Variants in CPAMD8 observed in about 807,000 individuals in gnomAD.
The protein encoded by CPAMD8 is C3 and PZP-like alpha-2-macroglobulin domain-containing protein 8.
Under a neutral mutation model 224.7 loss-of-function variants are expected in CPAMD8, and 146 were observed. The observed-to-expected ratio is 0.65, with a 90% CI of 0.57 to 0.75. CPAMD8 has a LOEUF of 0.75. Ranked by LOEUF, CPAMD8 falls within the 30% of genes least tolerant of loss-of-function variation. The pLI is 0.00. For synonymous variants in CPAMD8, 966 were observed against 1,044.6 expected (o/e 0.92, Z 1.45); for missense variants, 2,301 against 2,537.5 (o/e 0.91, Z 2.00).
In CPAMD8 at chr19:17,002,381, G is replaced by A. The variant is rs1207001612; in HGVS notation, c.674-31C>T. The A allele has an allele frequency of 5.9e-6, 9 of 1,523,784 alleles. No homozygotes were observed. The African/African-American group carries it at 6.9e-5, about 12-fold the overall frequency. 94.4% of individuals were successfully genotyped at this position (1,523,784 alleles called of 1,614,324 possible). Reference sequence around the variant, plus strand: ...GAAAGCAAGCAGAGAGGAGGGGCTGGCTTCTGTCCCTAAGGTGGCCTCAGG... The same window carrying A: ...GAAAGCAAGCAGAGAGGAGGGGCTGACTTCTGTCCCTAAGGTGGCCTCAGG... On this transcript the variant is annotated intron_variant, in intron 8 of 41. Coordinates refer to ENST00000443236, the MANE Select transcript of CPAMD8 (RefSeq NM_015692.5).
chr19:17,025,239 C>T (rs1222266497), intron 1 of CPAMD8, among the ~76,000 whole-genome samples: 1 of 152,090 alleles, frequency 6.6e-6, no homozygotes, highest in African/African-American at 2.4e-5. Context: ...GGAGAAACCC[C>T]ATCTCTATTA....
At chr19:16,998,835 C>T (rs1347060671) in intron 10 of CPAMD8, among the ~76,000 whole-genome samples, 4 of 152,062 alleles carry the variant, frequency 2.6e-5, no homozygotes, top group African/African-American at 9.7e-5. Flanking sequence ...AGGAAAGAAC[C>T]CAAGAGAAAC....
intron 29 of CPAMD8, 72 bp from the exon 30 acceptor site, chr19:16,907,189 G>T: frequency 7.1e-7 from 1 of 1,410,374 alleles, no homozygotes; most frequent in East Asian, 2.6e-5. Flanking sequence ...ACTGGCTTCT[G>T]AGGCATCCCC....
At chr19:16,929,335 G>A in intron 23 of CPAMD8, 95 bp from the exon 24 acceptor site, 2 of 1,006,704 alleles carry the variant, frequency 2.0e-6, no homozygotes, top group Non-Finnish European at 3.0e-6. Context: ...GGACCACAAG[G>A]AGTGGGTCTC....
At position 17,008,526 on chromosome 19, in the gene CPAMD8, G is replaced by A. The variant is rs1341959336; in HGVS notation, c.538C>T (p.His180Tyr). Residue 180 changes from histidine to tyrosine, a missense_variant, in exon 7 of 42, where the codon CAC (histidine) becomes TAC (tyrosine). Around this residue, in one of 4 missense-constraint regions of CPAMD8, gnomAD observed 283 missense variants for 340.6 expected, o/e 0.83. Coordinates refer to ENST00000443236, the MANE Select transcript of CPAMD8 (RefSeq NM_015692.5). ...PRGSRMIEWR[H>Y]LKPFCCGITN... The stretch of plus-strand genomic sequence containing the variant: ...TTACCGCAGCAGAACGGCTTTAAGT[G>A]TCTCCACTCTATCATCCGAGAGCCT... 1.2e-5 allele frequency: 20 copies of A among 1,613,532 alleles called. No individual in the cohort carries two copies. The highest frequency in any genetic ancestry group is 1.6e-5 in the Non-Finnish European group (19 of 1,180,030).
rs3859573 is a variant in CPAMD8, at chr19:16,918,604, G to A, written c.3629+3301C>T. 0.041 allele frequency among the ~76,000 whole-genome samples: 6,168 copies of A among 151,764 alleles called. 640 individuals carry two copies. In the East Asian group the frequency reaches 0.46, roughly 11 times the overall value. On this transcript the variant is annotated intron_variant, in intron 27 of 41. Transcript: ENST00000443236. ...TTGGGACTAAGGCATGTACCACCAC[G>A]CCCAGCTTATTTTTAACATTTTTGC...
At position 16,928,166 on chromosome 19, in the gene CPAMD8, C is replaced by G; in HGVS notation, c.3213G>C (p.Glu1071Asp). The G allele has an allele frequency of 6.2e-7, 1 of 1,614,188 alleles. No individual in the cohort carries two copies. Among genetic ancestry groups the G allele is most frequent in the Admixed American group, 1.7e-5 (1 of 60,034 alleles). ...IVAWTLPRPP[E>D]VQFIGFSTGW... ...CGGTGGAAAAGCCAATGAACTGGAC[C>G]TCTGGTGGCCTCGGGAGGGTCCAGG... Residue 1071 changes from glutamate to aspartate, a missense_variant, in exon 25 of 42, where the codon GAG becomes GAC. By Grantham distance (45) the Glu-to-Asp change is conservative. Around this residue, in one of 4 missense-constraint regions of CPAMD8, gnomAD observed 1,709 missense variants for 1,753.2 expected, o/e 0.97. Coordinates refer to ENST00000443236, the MANE Select transcript of CPAMD8 (RefSeq NM_015692.5).
intron 16 of CPAMD8, among the ~76,000 whole-genome samples, 182 bp downstream of exon 16, chr19:16,975,820 G>A (rs2055246908): frequency 6.6e-6 from 1 of 152,208 alleles, no homozygotes; most frequent in African/African-American, 2.4e-5. Flanking sequence ...CAACTGTGCT[G>A]AAGCAGCAGG....
At chr19:16,949,387 T>C (rs1206662662) in intron 20 of CPAMD8, among the ~76,000 whole-genome samples, 1 of 152,156 alleles carries the variant, frequency 6.6e-6, no homozygotes, top group African/African-American at 2.4e-5. Context: ...ATAGTCTGTG[T>C]GTATGCTTTC....
In CPAMD8 at chr19:16,922,342, ATAC is replaced by A. The variant is rs1330671287; in HGVS notation, c.3548-359_3548-357del. ...CATCTGGGGTTCTTGAAACTGCCTC[ATAC>A]TACATCTGGAGTCCCTGGAACCGCA... On this transcript the variant is annotated intron_variant, in intron 26 of 41. Coordinates refer to ENST00000443236, the MANE Select transcript of CPAMD8 (RefSeq NM_015692.5). Among the ~76,000 whole-genome samples the A allele has an allele frequency of 7.9e-5, 12 of 151,272 alleles. 1 individual carries two copies. Among genetic ancestry groups the A allele is most frequent in the Admixed American group, 5.3e-4 (8 of 15,220 alleles).
chr19:16,964,978 G>A (rs1011384747), intron 18 of CPAMD8, among the ~76,000 whole-genome samples: 2 of 152,006 alleles, frequency 1.3e-5, no homozygotes, highest in African/African-American at 2.4e-5. Context: ...AAAGGTCTTC[G>A]GGCTGGGCAC....
intron 13 of CPAMD8, among the ~76,000 whole-genome samples, chr19:16,982,456 C>T (rs1215806696): frequency 2.6e-5 from 4 of 151,914 alleles, no homozygotes; most frequent in African/African-American, 7.3e-5. Flanking sequence ...GTCATTCTAC[C>T]TCCCCCTAAA....
rs139650273 is a variant in CPAMD8 at position 16,923,381 on chromosome 19, C to T, written c.3548-1395G>A. Among the ~76,000 whole-genome samples the T allele has an allele frequency of 1.8e-3, 280 of 152,250 alleles. 2 individuals carry two copies. Among genetic ancestry groups the T allele is most frequent in the Middle Eastern group, 6.8e-3 (2 of 294 alleles). On this transcript the variant is annotated intron_variant, in intron 26 of 41. Transcript: ENST00000443236. ...CCTTCCTGGGGTGAAGGCAGAGCTA[C>T]TCAGCCAGACACAGCCTGTGAGGGA... is the stretch of plus-strand genomic sequence containing the variant.
Position 16,945,682 on chromosome 19 carries a change from G to C in CPAMD8, c.2663-3C>G. On this transcript the variant is annotated splice_region_variant and splice_polypyrimidine_tract_variant and intron_variant, in intron 21 of 41. Transcript: ENST00000443236. ...GTCTCCGTAAGCAAGGGCTTTGGCT[G>C]CAGAAATTTGATGTCTTGGTCTCAG... 1 of 1,613,914 alleles carries C rather than the reference G, an allele frequency of 6.2e-7. No individual in the cohort carries two copies. Among genetic ancestry groups the C allele is most frequent in the Non-Finnish European group, 8.5e-7 (1 of 1,179,794 alleles).
chr19:17,023,342 G>A (rs144210353), intron 1 of CPAMD8, among the ~76,000 whole-genome samples: 1 of 152,160 alleles, frequency 6.6e-6, no homozygotes, highest in African/African-American at 2.4e-5. Flanking sequence ...CTCCCCACCT[G>A]AGCTCCTGTC....
At chr19:16,989,912 C>T (rs2055879705) in intron 12 of CPAMD8, 141 bp from the exon 13 acceptor site, 3 of 785,280 alleles carry the variant, frequency 3.8e-6, no homozygotes, top group African/African-American at 1.7e-5. Context: ...CCCCAATCCT[C>T]AGGGAGTAAT....
chr19:16,928,840 C>T (rs1476600412), intron 24 of CPAMD8, 102 bp downstream of exon 24: 1 of 916,790 alleles, frequency 1.1e-6, no homozygotes, highest in Non-Finnish European at 1.6e-6. Context: ...GTTTCCCTTG[C>T]TCCTCCTGAC....
rs547989068 is a variant in CPAMD8 at position 16,955,976 on chromosome 19, C to T, written c.2276+1877G>A. 3.3e-5 allele frequency among the ~76,000 whole-genome samples: 5 copies of T among 152,294 alleles called. No individual in the cohort carries two copies. The South Asian group carries it at 8.3e-4, about 25-fold the overall frequency. On this transcript the variant is annotated intron_variant, in intron 19 of 41. Transcript: ENST00000443236. ...ACAGGCATAAGCCACCACACCCCGC[C>T]TTTAAACGGGTGTGGTTTAAAAGAG...
chr19:17,006,564 A>T (rs545623933), intron 7 of CPAMD8, among the ~76,000 whole-genome samples: 3 of 152,122 alleles, frequency 2.0e-5, no homozygotes, highest in African/African-American at 7.2e-5. Context: ...AAAAAGATCA[A>T]ATCCATTCTC....
Sources: allele counts gnomAD v4.1 joint callset (sites outside exome capture counted in the v4.1 genomes callset), GRCh38; gene constraint gnomAD v4.1.1; regional missense constraint gnomAD v4.1.1; transcripts MANE v1.5; gene names NCBI Gene and HGNC (gene_info 2026-07-23, HGNC 2026-07-21).